The following CNTN6 variants were observed in gnomAD, a reference collection of about 807,000 sequenced individuals.
The protein encoded by CNTN6 is contactin 6.
A neutral mutation model predicts 122.8 loss-of-function variants in CNTN6; 137 were observed. The observed-to-expected ratio is 1.12, with a 90% CI of 0.97 to 1.29. The LOEUF is 1.29. CNTN6 is among the 50% of genes most tolerant of loss of function. The pLI, the probability that CNTN6 is intolerant of heterozygous loss-of-function variation, is 0.00. For missense variants in CNTN6, 1,634 were observed against 1,223.4 expected (o/e 1.34, Z -5.01); for synonymous variants, 570 against 426.0 (o/e 1.34, Z -4.16).
chr3:1,338,981 A>G (rs556082793), intron 11 of CNTN6, among the ~76,000 whole-genome samples: 2 of 152,134 alleles, frequency 1.3e-5, no homozygotes, highest in Non-Finnish European at 2.9e-5. Flanking sequence ...ACAATCCAGT[A>G]GAAGAAATAA....
At chr3:1,100,478 T>G (rs1239648648) in intron 1 of CNTN6, among the ~76,000 whole-genome samples, 2 of 152,198 alleles carry the variant, frequency 1.3e-5, no homozygotes, top group Non-Finnish European at 2.9e-5. Flanking sequence ...CTGCAATGTA[T>G]GTAGTTGTGG....
intron 3 of CNTN6, 79 bp downstream of exon 3, chr3:1,220,892 T>C: frequency 2.1e-6 from 3 of 1,430,496 alleles, no homozygotes; most frequent in East Asian, 2.3e-5. Context: ...AAGTGTTTTA[T>C]AAAATGTCCT....
intron 13 of CNTN6, 45 bp downstream of exon 13, chr3:1,372,519 C>G: frequency 6.9e-7 from 1 of 1,442,118 alleles, no homozygotes; most frequent in Non-Finnish European, 9.4e-7. Flanking sequence ...TGAATCAAGT[C>G]TTTTACATGA....
chr3:1,100,581 T>G (rs1477147030), intron 1 of CNTN6, among the ~76,000 whole-genome samples: 1 of 152,180 alleles, frequency 6.6e-6, no homozygotes, highest in African/African-American at 2.4e-5. Flanking sequence ...ATTTCAATCT[T>G]GCGTCTTTTA....
At chr3:1,174,604 A>C (rs1228319742) in intron 2 of CNTN6, among the ~76,000 whole-genome samples, 1 of 152,208 alleles carries the variant, frequency 6.6e-6, no homozygotes, top group African/African-American at 2.4e-5. Context: ...ATTGTAGTAC[A>C]AAGTATGATT....
intron 11 of CNTN6, among the ~76,000 whole-genome samples, chr3:1,342,085 G>A (rs989673750): frequency 1.8e-4 from 27 of 151,214 alleles, no homozygotes; most frequent in African/African-American, 6.1e-4. Context: ...TTGAAGAGTT[G>A]CCAAAAAAAA....
rs531805930 is a variant in CNTN6, at chr3:1,244,644, G to A, written c.358+16651G>A. Among the ~76,000 whole-genome samples the A allele has an allele frequency of 9.2e-5, 14 of 152,326 alleles. No individual in the cohort carries two copies. In the South Asian group the frequency reaches 1.0e-3, roughly 11 times the overall value. On this transcript the variant is annotated intron_variant, in intron 4 of 22. Transcript: ENST00000446702. ...AATTTCATGCGTGTCTGTGTGAAGA[G>A]ACCGCCAAACAGGCTTTGTGTGAGC...
At chr3:1,125,189 A>T (rs895496899) in intron 1 of CNTN6, among the ~76,000 whole-genome samples, 13 of 151,994 alleles carry the variant, frequency 8.6e-5, no homozygotes, top group African/African-American at 3.1e-4. Context: ...TTAGTTATCT[A>T]AATCTTTACT....
chr3:1,110,107 A>G (rs779424910), intron 1 of CNTN6, among the ~76,000 whole-genome samples: 4 of 151,978 alleles, frequency 2.6e-5, no homozygotes, highest in Non-Finnish European at 5.9e-5. Flanking sequence ...ACAGTGCTTT[A>G]TGTTTTTCAC....
intron 2 of CNTN6, among the ~76,000 whole-genome samples, chr3:1,200,589 G>A (rs1361426357): frequency 2.0e-5 from 3 of 152,162 alleles, no homozygotes; most frequent in Middle Eastern, 6.3e-3. Context: ...CTAGCTCATA[G>A]CTCATAACTG....
At chr3:1,312,975 A>G (rs1423609786) in intron 7 of CNTN6, among the ~76,000 whole-genome samples, 1 of 152,096 alleles carries the variant, frequency 6.6e-6, no homozygotes, top group African/African-American at 2.4e-5. Flanking sequence ...AACATATAAT[A>G]TGTGCTCAAT....
intron 12 of CNTN6, among the ~76,000 whole-genome samples, chr3:1,353,304 A>G (rs1442977924): frequency 6.6e-6 from 1 of 151,706 alleles, no homozygotes; most frequent in African/African-American, 2.4e-5. Context: ...TTTTCCATTA[A>G]AATAAATATA....
chr3:1,126,576 A>G (rs191422494), intron 1 of CNTN6, among the ~76,000 whole-genome samples: 1 of 151,992 alleles, frequency 6.6e-6, no homozygotes, highest in Non-Finnish European at 1.5e-5. Context: ...TGTCACCACC[A>G]TCTTTAGAAT....
chr3:1,323,579 C>A (rs1460112994), intron 8 of CNTN6, among the ~76,000 whole-genome samples: 1 of 151,800 alleles, frequency 6.6e-6, no homozygotes, highest in African/African-American at 2.4e-5. Flanking sequence ...AAGAATCTCT[C>A]AGTCTGTTAT....
intron 4 of CNTN6, among the ~76,000 whole-genome samples, chr3:1,268,606 CAAAAA>C (rs71690299): frequency 1.0e-5 from 1 of 99,502 alleles, no homozygotes. Flanking sequence ...GACTCCGTCT[CAAAAA>C]AAAAAAAAAA....
At chr3:1,390,762 A>G (rs374724225) in intron 20 of CNTN6, among the ~76,000 whole-genome samples, 17,051 of 151,632 alleles carry the variant, frequency 0.11, 1,181 homozygotes, top group Non-Finnish European at 0.15. Context: ...CTACCATCAG[A>G]GAATACTACA....
intron 10 of CNTN6, 99 bp from the exon 11 acceptor site, chr3:1,329,686 C>T: frequency 1.0e-6 from 1 of 978,344 alleles, no homozygotes; most frequent in Non-Finnish European, 1.5e-6. Flanking sequence ...GAGGATACAG[C>T]TATAAATATT....
intron 12 of CNTN6, among the ~76,000 whole-genome samples, chr3:1,366,387 T>C (rs1338844667): frequency 1.3e-5 from 2 of 151,890 alleles, no homozygotes; most frequent in Admixed American, 6.6e-5. Context: ...TACCGAGAAG[T>C]GTTTCAGTGT....
At chr3:1,387,358 A>C (rs896811247) in intron 20 of CNTN6, among the ~76,000 whole-genome samples, 1 of 152,138 alleles carries the variant, frequency 6.6e-6, no homozygotes, top group South Asian at 2.1e-4. Context: ...GTTTTACTCA[A>C]TGTTGACTAA....
Sources: allele counts gnomAD v4.1 joint callset (sites outside exome capture counted in the v4.1 genomes callset), GRCh38; gene constraint gnomAD v4.1.1; transcripts MANE v1.5; gene names NCBI Gene and HGNC (gene_info 2026-07-23, HGNC 2026-07-21).